The following TRIO variants were observed in gnomAD, a reference collection of about 807,000 sequenced individuals.
TRIO encodes triple functional domain protein.
TRIO carries 58 observed loss-of-function variants against 351.9 expected under a neutral mutation model. The observed-to-expected ratio is 0.16, with a 90% CI of 0.13 to 0.21. The LOEUF is 0.21. TRIO is among the 10% of genes least tolerant of loss of function. The pLI is 1.00. For missense variants in TRIO, 3,201 were observed against 4,027.8 expected, an observed-to-expected ratio of 0.79 and a Z score of 5.56; for synonymous variants, 1,758 against 1,595.7, an observed-to-expected ratio of 1.10 and a Z score of -2.42.
chr5:14,416,247 G>A (rs957121667), intron 33 of TRIO, among the ~76,000 whole-genome samples: 10 of 150,842 alleles, frequency 6.6e-5, no homozygotes, highest in Admixed American at 6.0e-4. Context: ...GTAACGATTT[G>A]CACTGCTTCC....
At chr5:14,171,251 G>T (rs1789081377) in intron 1 of TRIO, among the ~76,000 whole-genome samples, 1 of 152,090 alleles carries the variant, frequency 6.6e-6, no homozygotes, top group Admixed American at 6.5e-5. Flanking sequence ...TGTTATAGAA[G>T]AAACAAAATA....
chr5:14,297,356 A>C lies in TRIO; in HGVS notation c.1368+93A>C. 4 of 1,398,686 alleles carry C rather than the reference A, an allele frequency of 2.9e-6. No individual in the cohort carries two copies. In the South Asian group the frequency reaches 5.8e-5, roughly 20 times the overall value. 86.6% of individuals were successfully genotyped at this position (1,398,686 alleles called of 1,614,324 possible). On this transcript the variant is annotated intron_variant, in intron 7 of 56. Coordinates refer to ENST00000344204, the MANE Select transcript of TRIO (RefSeq NM_007118.4). ...GTGTGTGCAAACACTCTTGTGTAGCACATACTGTGAGCTCCGCATGTGAGC... is the reference window on the plus strand; with the variant it reads ...GTGTGTGCAAACACTCTTGTGTAGCCCATACTGTGAGCTCCGCATGTGAGC...
intron 1 of TRIO, among the ~76,000 whole-genome samples, chr5:14,233,164 C>A (rs1244521015): frequency 2.6e-5 from 4 of 151,974 alleles, no homozygotes; most frequent in Non-Finnish European, 5.9e-5. Flanking sequence ...ACCATATCAT[C>A]TTGAAATGAT....
rs392855 is a variant in TRIO, at chr5:14,304,334, A to G, written c.1369-127A>G. 3.2e-3 allele frequency: 2,967 copies of G among 933,954 alleles called. 66 individuals carry two copies. In the African/African-American group the frequency reaches 0.045, roughly 14 times the overall value. The allele number at this position is 933,954 out of a possible 1,614,324, so 57.9% of individuals were successfully genotyped here. Reference sequence around the variant, plus strand: ...GAGTTGAGGATGCCATTTGAGATGGAGAGTCAACCATGTTAAATTCTTAGG... The same window carrying G: ...GAGTTGAGGATGCCATTTGAGATGGGGAGTCAACCATGTTAAATTCTTAGG... On this transcript the variant is annotated intron_variant, in intron 7 of 56. Coordinates refer to ENST00000344204, the MANE Select transcript of TRIO (RefSeq NM_007118.4).
rs1170081458 is a variant in TRIO at position 14,308,990 on chromosome 5, T to A, written c.1500+4398T>A. Among the ~76,000 whole-genome samples, 4 of 151,128 alleles carry A rather than the reference T, an allele frequency of 2.6e-5. 1 individual carries two copies. Among genetic ancestry groups the A allele is most frequent in the African/African-American group, 9.7e-5 (4 of 41,070 alleles). ...AGTCACCCAACTGTCCATCGCCACC[T>A]CATCACCCAACCATCCATCCACCCA... On this transcript the variant is annotated intron_variant, in intron 8 of 56. Transcript: ENST00000344204.
At chr5:14,374,870 AGAAAAAGGTCTGG>A (rs1288554535) in intron 19 of TRIO, among the ~76,000 whole-genome samples, 1 of 152,110 alleles carries the variant, frequency 6.6e-6, no homozygotes, top group Admixed American at 6.6e-5. Context: ...GTAAGTGTTT[AGAAAAAGGTCTGG>A]GAAAACGTAT....
intron 7 of TRIO, among the ~76,000 whole-genome samples, chr5:14,303,339 C>A (rs1285587590): frequency 8.5e-5 from 11 of 129,246 alleles, no homozygotes; most frequent in Admixed American, 1.6e-4. Context: ...AATTGATGAT[C>A]CTGGAGATGG....
At chr5:14,270,179 G>C (rs1795901593) in intron 1 of TRIO, among the ~76,000 whole-genome samples, 1 of 152,144 alleles carries the variant, frequency 6.6e-6, no homozygotes, top group Non-Finnish European at 1.5e-5. Flanking sequence ...TGGGAGCAGG[G>C]GCAGAGTTGG....
intron 8 of TRIO, among the ~76,000 whole-genome samples, chr5:14,313,465 T>A (rs1739101875): frequency 1.3e-5 from 2 of 152,198 alleles, no homozygotes; most frequent in African/African-American, 2.4e-5. Context: ...TAGAAGAATA[T>A]TAATGGTGTC....
At position 14,387,593 on chromosome 5, in the gene TRIO, G is replaced by A; in HGVS notation, c.3726G>A (p.Leu1242=). ...SLRMEKYRTS[L]EKALGISSDS... is the part of the protein sequence containing the mutation. ...GGATGGAGAAGTACAGGACCTCTTT[G>A]GAAAAAGCCCTGGGGATTTCTTCAG... is the stretch of plus-strand genomic sequence containing the variant. Residue 1242 remains leucine, a synonymous_variant, in exon 22 of 57, where the codon TTG becomes TTA. Transcript: ENST00000344204. 2 of 1,613,324 alleles carry A rather than the reference G, an allele frequency of 1.2e-6. No homozygotes were observed. Among genetic ancestry groups the A allele is most frequent in the South Asian group, 1.1e-5 (1 of 91,014 alleles).
chr5:14,425,506 C>A (rs886436902), intron 34 of TRIO, among the ~76,000 whole-genome samples: 1 of 152,244 alleles, frequency 6.6e-6, no homozygotes, highest in African/African-American at 2.4e-5. Context: ...AATAATGCTG[C>A]TATGAACATG....
At chr5:14,267,497 A>C (rs1795752412) in intron 1 of TRIO, among the ~76,000 whole-genome samples, 1 of 152,186 alleles carries the variant, frequency 6.6e-6, no homozygotes, top group Admixed American at 6.5e-5. Flanking sequence ...GCATGAATGA[A>C]GAAAGTATTA....
chr5:14,388,687 A>AG lies in TRIO; in HGVS notation c.3948+9dup. The AG allele has an allele frequency of 6.8e-7, 1 of 1,463,268 alleles. No homozygotes were observed. The highest frequency in any genetic ancestry group is 9.3e-7 in the Non-Finnish European group (1 of 1,076,534). The allele number at this position is 1,463,268 out of a possible 1,614,324, so 90.6% of individuals were successfully genotyped here. ...CTCCGGGAATGTATGGATGTAAGTAAGTTTTTTTTTTTTTTTTTTGCTTGT... is the reference window on the plus strand; with the variant it reads ...CTCCGGGAATGTATGGATGTAAGTAAGGTTTTTTTTTTTTTTTTTTGCTTGT... On this transcript the variant is annotated intron_variant, in intron 24 of 56. Coordinates refer to ENST00000344204, the MANE Select transcript of TRIO (RefSeq NM_007118.4).
At chr5:14,507,313 A>C in intron 56 of TRIO, 53 bp downstream of exon 56, 1 of 1,598,616 alleles carries the variant, frequency 6.3e-7, no homozygotes, top group Non-Finnish European at 8.5e-7. Flanking sequence ...CGGCTTGGCC[A>C]TGCGGGACAC....
intron 3 of TRIO, among the ~76,000 whole-genome samples, chr5:14,284,029 G>T (rs1456273195): frequency 1.3e-5 from 2 of 152,016 alleles, no homozygotes; most frequent in African/African-American, 4.8e-5. Flanking sequence ...AATATTAACA[G>T]ATAAACCACT....
At chr5:14,270,936 C>A in intron 2 of TRIO, 37 bp downstream of exon 2, 1 of 1,452,130 alleles carries the variant, frequency 6.9e-7, no homozygotes, top group Non-Finnish European at 9.6e-7. Flanking sequence ...TATCCAACTG[C>A]TCTGACACAA....
At chr5:14,326,936 ATTATT>A (rs1740444573) in intron 9 of TRIO, among the ~76,000 whole-genome samples, 1 of 152,106 alleles carries the variant, frequency 6.6e-6, no homozygotes, top group Non-Finnish European at 1.5e-5. Flanking sequence ...ATTATTTATT[ATTATT>A]TTAAAAGTGG....
intron 8 of TRIO, among the ~76,000 whole-genome samples, chr5:14,305,648 A>C (rs1370377502): frequency 6.6e-6 from 1 of 152,206 alleles, no homozygotes; most frequent in Non-Finnish European, 1.5e-5. Flanking sequence ...TGTTGGGAAG[A>C]AAGTGGCCAT....
rs1201171021 is a variant in TRIO at position 14,502,580 on chromosome 5, T to C, written c.8334T>C (p.Gly2778=). The part of the protein sequence containing the change: ...ASSSASLRVL[G]PGMDGIMVTW... Reference sequence around the variant, plus strand: ...AGGCAGGTGCTGTTCTTCTTGCAGGTCCAGGGATGGATGGGATCATGGTGA... The same window carrying C: ...AGGCAGGTGCTGTTCTTCTTGCAGGCCCAGGGATGGATGGGATCATGGTGA... Residue 2778 remains glycine, a splice_region_variant and synonymous_variant, in exon 54 of 57, where the codon GGT becomes GGC. Coordinates refer to ENST00000344204, the MANE Select transcript of TRIO (RefSeq NM_007118.4). 1.9e-6 allele frequency: 3 copies of C among 1,614,166 alleles called. No homozygotes were observed. The highest frequency in any genetic ancestry group is 1.1e-5 in the South Asian group (1 of 91,084).
Sources: allele counts gnomAD v4.1 joint callset (sites outside exome capture counted in the v4.1 genomes callset), GRCh38; gene constraint gnomAD v4.1.1; transcripts MANE v1.5; gene names NCBI Gene and HGNC (gene_info 2026-07-23, HGNC 2026-07-21).